The following EBF3 variants were observed in gnomAD, a reference collection of about 807,000 sequenced individuals.
EBF3 encodes EBF transcription factor 3.
EBF3 carries 18 observed loss-of-function variants against 77.1 expected under a neutral mutation model. That is an observed-to-expected ratio of 0.23 (90% CI 0.16 to 0.35). The LOEUF is 0.35. Among genes scored for constraint, EBF3 ranks in the 10% least tolerant of loss-of-function variants. The pLI is 1.00. For missense variants in EBF3, 558 were observed against 860.0 expected (o/e 0.65, Z 4.39); for synonymous variants, 350 against 343.5 (o/e 1.02, Z -0.21).
At chr10:129,924,666 GTTTC>G (rs1035715003) in intron 6 of EBF3, among the ~76,000 whole-genome samples, 2 of 152,118 alleles carry the variant, frequency 1.3e-5, no homozygotes, top group Non-Finnish European at 2.9e-5. Flanking sequence ...AGGTATCTGT[GTTTC>G]TTTCTTTTTT....
chr10:129,848,305 C>T lies in EBF3; in HGVS notation c.1128+87G>A. On this transcript the variant is annotated intron_variant, in intron 11 of 16. Coordinates refer to ENST00000440978, the MANE Select transcript of EBF3 (RefSeq NM_001375380.1). The surrounding 1 kb of genome is among the most constrained non-coding windows in gnomAD (Gnocchi z 4.4). ...GAGTTTGGGGAATCTGCAATCCCCC[C>T]TTCCCAGAGCACCTGCTGCCCCCAA... The T allele has an allele frequency of 2.2e-6, 3 of 1,368,984 alleles. No homozygotes were observed. The highest frequency in any genetic ancestry group is 2.3e-5 in the South Asian group (2 of 86,040). 84.8% of individuals were successfully genotyped at this position (1,368,984 alleles called of 1,614,324 possible).
chr10:129,880,375 A>G (rs1853114489), intron 6 of EBF3, among the ~76,000 whole-genome samples: 1 of 151,956 alleles, frequency 6.6e-6, no homozygotes, highest in Non-Finnish European at 1.5e-5. Flanking sequence ...ACATGCCCAC[A>G]CTTGCATACA....
At chr10:129,927,756 T>A (rs1194157452) in intron 6 of EBF3, among the ~76,000 whole-genome samples, 1 of 152,160 alleles carries the variant, frequency 6.6e-6, no homozygotes. Flanking sequence ...CCTTATCCAC[T>A]GGGTTAGGGC....
chr10:129,852,611 T>A (rs1850970347), intron 10 of EBF3, among the ~76,000 whole-genome samples: 1 of 152,228 alleles, frequency 6.6e-6, no homozygotes, highest in Admixed American at 6.5e-5. Context: ...ATGTATATGA[T>A]TATTTTATTA....
At chr10:129,906,396 T>C (rs1339640079) in intron 6 of EBF3, among the ~76,000 whole-genome samples, 1 of 152,230 alleles carries the variant, frequency 6.6e-6, no homozygotes, top group East Asian at 1.9e-4. Context: ...ATAGATCCCA[T>C]TAAACTGCTG....
chr10:129,915,046 A>G (rs1300905440), intron 6 of EBF3, among the ~76,000 whole-genome samples: 1 of 152,188 alleles, frequency 6.6e-6, no homozygotes, highest in Admixed American at 6.5e-5. Context: ...GGGCCCTTCA[A>G]GAGTTTGCTG....
In EBF3 at chr10:129,870,699, G is replaced by A. The variant is rs1299936471; in HGVS notation, c.781+2753C>T. 4.6e-5 allele frequency among the ~76,000 whole-genome samples: 7 copies of A among 152,278 alleles called. No homozygotes were observed. Among genetic ancestry groups the A allele is most frequent in the African/African-American group, 1.7e-4 (7 of 41,574 alleles). ...CCTGCGGGGACTGGCTTATCCTGTG[G>A]CCAGGGAGCCCAATGGCTGGGATGA... On this transcript the variant is annotated intron_variant, in intron 8 of 16. Coordinates refer to ENST00000440978, the MANE Select transcript of EBF3 (RefSeq NM_001375380.1). This position sits in a 1 kb window ranked among gnomAD's most constrained non-coding sequence, Gnocchi z 4.4.
chr10:129,880,748 A>T (rs2134145269), intron 6 of EBF3, among the ~76,000 whole-genome samples: 1 of 152,344 alleles, frequency 6.6e-6, no homozygotes, highest in African/African-American at 2.4e-5. Context: ...ACAGGGACGG[A>T]CAGAGGGGAA....
intron 6 of EBF3, among the ~76,000 whole-genome samples, chr10:129,893,940 C>T (rs191108533): frequency 2.0e-3 from 307 of 152,302 alleles, no homozygotes; most frequent in African/African-American, 7.2e-3. Context: ...CCACAGCCAC[C>T]CTCCGTTTGG....
Position 129,841,044 on chromosome 10 carries a change from C to CCCG in EBF3, c.1373-13_1373-12insCGG, listed in dbSNP as rs780396336. 5 of 1,599,386 alleles carry CCCG rather than the reference C, an allele frequency of 3.1e-6. No homozygotes were observed. Among genetic ancestry groups the CCCG allele is most frequent in the Admixed American group, 1.7e-5 (1 of 59,402 alleles). ...GCGACTGTAGCCGACTGTTGAAATC[C>CCCG]CCCCCCCGGCCAAAAATAACATTAT... On this transcript the variant is annotated splice_polypyrimidine_tract_variant and intron_variant, in intron 13 of 16. Coordinates refer to ENST00000440978, the MANE Select transcript of EBF3 (RefSeq NM_001375380.1). The surrounding 1 kb of genome is among the most constrained non-coding windows in gnomAD (Gnocchi z 4.6).
intron 6 of EBF3, among the ~76,000 whole-genome samples, chr10:129,878,716 T>C (rs1339698074): frequency 3.8e-5 from 4 of 104,616 alleles, no homozygotes; most frequent in Non-Finnish European, 5.8e-5. Context: ...TAAAAAGCAA[T>C]TGGGGGGTGG....
chr10:129,861,461 C>G lies in EBF3; in HGVS notation c.1039+5680G>C, dbSNP rs565247383. ...CGATTCTGGGCAGGTCCAGAGTCAG[C>G]CTGAGCTGAACACACAGACCCAAGC... On this transcript the variant is annotated intron_variant, in intron 10 of 16. Transcript: ENST00000440978. This position sits in a 1 kb window ranked among gnomAD's most constrained non-coding sequence, Gnocchi z 4.3. Among the ~76,000 whole-genome samples, 1 of 152,106 alleles carries G rather than the reference C, an allele frequency of 6.6e-6. No individual in the cohort carries two copies. Among genetic ancestry groups the G allele is most frequent in the African/African-American group, 2.4e-5 (1 of 41,406 alleles).
At chr10:129,860,538 GC>G (rs1232339827) in intron 10 of EBF3, among the ~76,000 whole-genome samples, 1 of 152,194 alleles carries the variant, frequency 6.6e-6, no homozygotes, top group Non-Finnish European at 1.5e-5. Flanking sequence ...GGTTAGCGTG[GC>G]CCCGATGAGA....
At chr10:129,876,236 C>T (rs1852762122) in intron 7 of EBF3, among the ~76,000 whole-genome samples, 1 of 152,292 alleles carries the variant, frequency 6.6e-6, no homozygotes, top group Non-Finnish European at 1.5e-5. Flanking sequence ...TCAGTTACAC[C>T]TTCTGAGAGG....
chr10:129,951,389 G>C (rs934161926), intron 6 of EBF3, among the ~76,000 whole-genome samples: 1 of 152,216 alleles, frequency 6.6e-6, no homozygotes, highest in African/African-American at 2.4e-5. Flanking sequence ...ATGCCTCCCA[G>C]AGTATAGCTT....
At chr10:129,954,187 T>G (rs1172008185) in intron 6 of EBF3, among the ~76,000 whole-genome samples, 1 of 152,228 alleles carries the variant, frequency 6.6e-6, no homozygotes, top group Non-Finnish European at 1.5e-5. Flanking sequence ...AGATACTTTT[T>G]TCCTGTAGTA....
intron 8 of EBF3, among the ~76,000 whole-genome samples, chr10:129,868,890 G>A (rs918813543): frequency 2.6e-5 from 4 of 152,198 alleles, no homozygotes; most frequent in African/African-American, 9.7e-5. Context: ...GCCTGCCCAC[G>A]CCTGCCAAAG....
At position 129,847,170 on chromosome 10, in the gene EBF3, C is replaced by T. The variant is rs565734719; in HGVS notation, c.1128+1222G>A. 5.4e-4 allele frequency among the ~76,000 whole-genome samples: 82 copies of T among 152,256 alleles called. 1 individual carries two copies. Among genetic ancestry groups the T allele is most frequent in the African/African-American group, 1.9e-3 (78 of 41,554 alleles). ...ACCAGGGAACCCCCCGAGAGCGCAG[C>T]TGCTGGGGTGTCTTCCCTGAGGGCC... On this transcript the variant is annotated intron_variant, in intron 11 of 16. Coordinates refer to ENST00000440978, the MANE Select transcript of EBF3 (RefSeq NM_001375380.1).
chr10:129,858,207 C>A (rs1356789604), intron 10 of EBF3, among the ~76,000 whole-genome samples: 1 of 152,220 alleles, frequency 6.6e-6, no homozygotes, highest in Non-Finnish European at 1.5e-5. Flanking sequence ...CAGCCCAATA[C>A]CCTCCGTGGT....
Sources: allele counts gnomAD v4.1 joint callset (sites outside exome capture counted in the v4.1 genomes callset), GRCh38; gene constraint gnomAD v4.1.1; non-coding constraint Gnocchi (gnomAD v3.1); transcripts MANE v1.5; gene names NCBI Gene and HGNC (gene_info 2026-07-23, HGNC 2026-07-21).